ZBTB41: variants seen among roughly 807,000 people sequenced by gnomAD.
ZBTB41 encodes zinc finger and BTB domain-containing protein 41.
In ZBTB41, 42 loss-of-function variants were observed where a neutral mutation model predicts 87.6. That is an observed-to-expected ratio of 0.48 (90% CI 0.37 to 0.62). The LOEUF (loss-of-function observed/expected upper bound fraction) is 0.62. ZBTB41 is among the 20% of genes least tolerant of loss of function. The probability of loss-of-function intolerance (pLI) is 0.00; values close to 1 mark genes in which losing one functional copy is unlikely to be tolerated. For missense variants in ZBTB41, 799 were observed against 1,078.9 expected, an observed-to-expected ratio of 0.74 and a Z score of 3.63; for synonymous variants, 364 against 364.0, an observed-to-expected ratio of 1.00 and a Z score of 0.00.
Position 197,177,752 on chromosome 1 carries a change from C to T in ZBTB41, c.1772+665G>A, listed in dbSNP as rs553873343. ...TAATGAAAGGAATAGCTTTCCCTTGCAAATTGCCAAAATAAGTGTTGATTT... is the reference window on the plus strand; with the variant it reads ...TAATGAAAGGAATAGCTTTCCCTTGTAAATTGCCAAAATAAGTGTTGATTT... On this transcript the variant is annotated intron_variant, in intron 7 of 10. Transcript: ENST00000367405. Among the ~76,000 whole-genome samples the T allele has an allele frequency of 3.3e-5, 5 of 152,096 alleles. No homozygotes were observed. The East Asian group carries it at 9.7e-4, about 29-fold the overall frequency.
chr1:197,164,865 CTAATA>C (rs1659288254), intron 10 of ZBTB41, among the ~76,000 whole-genome samples: 2 of 104,058 alleles, frequency 1.9e-5, no homozygotes. Context: ...TAATACATAT[CTAATA>C]TATTATATAT....
intron 2 of ZBTB41, among the ~76,000 whole-genome samples, chr1:197,192,134 AAT>A (rs1440779011): frequency 1.3e-5 from 2 of 152,174 alleles, no homozygotes; most frequent in African/African-American, 4.8e-5. Context: ...ATTAAAAAAA[AAT>A]ATTCATGATC....
At chr1:197,171,595 T>C (rs1251924071) in intron 10 of ZBTB41, among the ~76,000 whole-genome samples, 1 of 152,028 alleles carries the variant, frequency 6.6e-6, no homozygotes, top group Non-Finnish European at 1.5e-5. Context: ...TTTCAAAATG[T>C]AGTAACATTC....
intron 10 of ZBTB41, among the ~76,000 whole-genome samples, chr1:197,163,767 A>T (rs560924973): frequency 6.6e-6 from 1 of 152,200 alleles, no homozygotes; most frequent in South Asian, 2.1e-4. Flanking sequence ...AATGAGCAAC[A>T]ATAAGACTGA....
intron 2 of ZBTB41, among the ~76,000 whole-genome samples, chr1:197,193,905 CTT>C (rs1161020088): frequency 6.6e-6 from 1 of 152,090 alleles, no homozygotes; most frequent in Non-Finnish European, 1.5e-5. Context: ...AATAACTAAA[CTT>C]GTGATTTTTG....
At chr1:197,183,928 G>C (rs1659819829) in intron 5 of ZBTB41, among the ~76,000 whole-genome samples, 1 of 152,132 alleles carries the variant, frequency 6.6e-6, no homozygotes, top group Non-Finnish European at 1.5e-5. Context: ...GGTAAGTTCA[G>C]CATATGCTTG....
In ZBTB41 at chr1:197,160,321, T is replaced by C. The variant is rs190038907; in HGVS notation, c.2075-307A>G. Among the ~76,000 whole-genome samples, 52 of 152,228 alleles carry C rather than the reference T, an allele frequency of 3.4e-4. No individual in the cohort carries two copies. The Middle Eastern group carries it at 0.014, about 40-fold the overall frequency. Reference sequence around the variant, plus strand: ...ATAATAACCAACCTCACAGAGTTGGTAAATGGACCAAAAGAGAAAGTAGAG... The same window carrying C: ...ATAATAACCAACCTCACAGAGTTGGCAAATGGACCAAAAGAGAAAGTAGAG... On this transcript the variant is annotated intron_variant, in intron 10 of 10. Transcript: ENST00000367405.
chr1:197,180,090 G>A (rs1015856368), intron 6 of ZBTB41, among the ~76,000 whole-genome samples: 1 of 151,932 alleles, frequency 6.6e-6, no homozygotes, highest in Non-Finnish European at 1.5e-5. Context: ...ACTCATGATC[G>A]GTAACCTACA....
intron 2 of ZBTB41, among the ~76,000 whole-genome samples, chr1:197,195,194 T>A (rs1348045784): frequency 6.6e-6 from 1 of 152,246 alleles, no homozygotes; most frequent in Admixed American, 6.5e-5. Flanking sequence ...CAAGCATTCC[T>A]GATCCTGAAC....
chr1:197,182,437 TTTTA>T (rs993440419), intron 5 of ZBTB41, among the ~76,000 whole-genome samples: 4 of 151,898 alleles, frequency 2.6e-5, no homozygotes, highest in Non-Finnish European at 4.4e-5. Context: ...GCCTCCCCTC[TTTTA>T]TTTATTTATT....
In ZBTB41 at chr1:197,195,503, T is replaced by C. The variant is rs188150384; in HGVS notation, c.1121-3604A>G. On this transcript the variant is annotated intron_variant, in intron 2 of 10. Coordinates refer to ENST00000367405, the MANE Select transcript of ZBTB41 (RefSeq NM_194314.3). ...CATATGAGTTAGTCTAAAGAATATGTAATTAAAATACTTAGCCTTAGAGAG... is the reference window on the plus strand; with the variant it reads ...CATATGAGTTAGTCTAAAGAATATGCAATTAAAATACTTAGCCTTAGAGAG... Among the ~76,000 whole-genome samples, 13 of 152,322 alleles carry C rather than the reference T, an allele frequency of 8.5e-5. No individual in the cohort carries two copies. The East Asian group carries it at 2.5e-3, about 29-fold the overall frequency.
intron 8 of ZBTB41, chr1:197,175,871 T>C (rs1293348103): frequency 6.6e-6 from 1 of 151,850 alleles, no homozygotes; most frequent in Non-Finnish European, 1.5e-5. Context: ...TCTCAGAAAA[T>C]TACTATCTGT....
In ZBTB41 at chr1:197,159,874, G is replaced by A; in HGVS notation, c.2215C>T (p.Leu739=). ...CNATFKRKDK[L]KYHIDHVHEI... ...TGAACATGGTCAATGTGGTATTTCAGCTTGTCTTTCCGCTTAAATGTTGCA... is the reference window on the plus strand; with the variant it reads ...TGAACATGGTCAATGTGGTATTTCAACTTGTCTTTCCGCTTAAATGTTGCA... The change falls in exon 11 of 11, where the codon CTG becomes TTG. Residue 739 remains leucine (L), a synonymous_variant. Coordinates refer to ENST00000367405, the MANE Select transcript of ZBTB41 (RefSeq NM_194314.3). 2 of 1,613,952 alleles carry A rather than the reference G, an allele frequency of 1.2e-6. No individual in the cohort carries two copies. Among genetic ancestry groups the A allele is most frequent in the Non-Finnish European group, 1.7e-6 (2 of 1,179,886 alleles).
In ZBTB41 at chr1:197,159,821, G is replaced by A; in HGVS notation, c.2268C>T (p.Leu756=). 1 of 1,614,030 alleles carries A rather than the reference G, an allele frequency of 6.2e-7. No homozygotes were observed. The highest frequency in any genetic ancestry group is 1.3e-5 in the African/African-American group (1 of 75,050). The change falls in exon 11 of 11, where the codon CTC becomes CTT. Residue 756 remains leucine, a synonymous_variant. Transcript: ENST00000367405. ...ATACAAGTTTTTCCTCAGAAGTACT[G>A]AGAGGATCATCAGGAGATTTTATTT... ...VHEIKSPDDP[L]STSEEKLVSL...
intron 10 of ZBTB41, among the ~76,000 whole-genome samples, chr1:197,167,422 T>C (rs1436229943): frequency 1.3e-5 from 2 of 152,150 alleles, no homozygotes; most frequent in Non-Finnish European, 2.9e-5. Flanking sequence ...CTTGAACTCC[T>C]GGGCTCAAGC....
chr1:197,190,660 G>T, intron 4 of ZBTB41, 102 bp downstream of exon 4: 1 of 645,178 alleles, frequency 1.5e-6, no homozygotes, highest in Non-Finnish European at 2.6e-6. Flanking sequence ...CTAAAAGTGA[G>T]ATAAGCTAAG....
chr1:197,175,886 T>C (rs1171765584), intron 8 of ZBTB41: 3 of 151,970 alleles, frequency 2.0e-5, no homozygotes, highest in Non-Finnish European at 4.4e-5. Context: ...ATCTGTTGCA[T>C]ACTTTATATT....
At chr1:197,175,631 T>TA (rs1030596792) in intron 8 of ZBTB41, among the ~76,000 whole-genome samples, 5 of 151,380 alleles carry the variant, frequency 3.3e-5, no homozygotes, top group African/African-American at 1.2e-4. Context: ...AAATTCTACG[T>TA]AAGTCCAATT....
Position 197,159,679 on chromosome 1 carries a change from C to G in ZBTB41, c.2410G>C (p.Ala804Pro). The G allele has an allele frequency of 6.2e-7, 1 of 1,614,008 alleles. No homozygotes were observed. Among genetic ancestry groups the G allele is most frequent in the Non-Finnish European group, 8.5e-7 (1 of 1,179,918 alleles). ...EAKTMLQNVS[A>P]EVCVPVTLVP... ...AGAGTTACTGGAACACATACTTCAG[C>G]AGATACATTCTGTAACATCGTCTTG... The change falls in exon 11 of 11, where the codon GCT becomes CCT. Residue 804 changes from alanine to proline, a missense_variant. This residue lies in a region of ZBTB41 where 171 missense variants were observed against 191.9 expected (regional missense o/e 0.89). Coordinates refer to ENST00000367405, the MANE Select transcript of ZBTB41 (RefSeq NM_194314.3).
Sources: allele counts gnomAD v4.1 joint callset (sites outside exome capture counted in the v4.1 genomes callset), GRCh38; gene constraint gnomAD v4.1.1; regional missense constraint gnomAD v4.1.1; transcripts MANE v1.5; gene names NCBI Gene and HGNC (gene_info 2026-07-23, HGNC 2026-07-21).